The following ABCA2 variants were observed in gnomAD, a reference collection of about 807,000 sequenced individuals.
The protein encoded by ABCA2 is ATP binding cassette subfamily A member 2.
ABCA2 carries 84 observed loss-of-function variants against 262.8 expected under a neutral mutation model. The observed-to-expected ratio is 0.32, with a 90% CI of 0.27 to 0.38. The LOEUF is 0.38. ABCA2 is among the 10% of genes least tolerant of loss of function. The pLI is 1.00. For missense variants in ABCA2, 2,662 were observed against 3,405.9 expected (o/e 0.78, Z 5.44); for synonymous variants, 1,696 against 1,502.9 (o/e 1.13, Z -2.97).
At position 137,023,028 on chromosome 9, in the gene ABCA2, G is replaced by A. The variant is rs1831531774; in HGVS notation, c.188C>T (p.Thr63Met). 1.3e-6 allele frequency: 2 copies of A among 1,591,140 alleles called. No homozygotes were observed. The highest frequency in any genetic ancestry group is 1.8e-5 in the Admixed American group (1 of 56,764). Reference sequence around the variant, plus strand: ...CATGACAGGCAGGATGCCGGCAGACGTCAGGGGCGCCGCTGTGTAGAAGGC... The same window carrying A: ...CATGACAGGCAGGATGCCGGCAGACATCAGGGGCGCCGCTGTGTAGAAGGC... ...EVSFYTAAPL[T>M]SAGILPVMQS... Residue 63 changes from threonine (T) to methionine (M), a missense_variant, in exon 4 of 49, where the codon ACG (threonine) becomes ATG (methionine). Around this residue, in one of 12 missense-constraint regions of ABCA2, gnomAD observed 101 missense variants for 152.3 expected, o/e 0.66. Transcript: ENST00000341511.
At chr9:137,012,691 C>T (rs758701804) in intron 31 of ABCA2, 21 bp downstream of exon 31, 1 of 1,611,694 alleles carries the variant, frequency 6.2e-7, no homozygotes, top group South Asian at 1.1e-5. Flanking sequence ...CCCTCACCCA[C>T]AGCCTCCCCA....
chr9:137,009,480 G>T lies in ABCA2; in HGVS notation c.6735-18C>A. On this transcript the variant is annotated intron_variant, in intron 44 of 48. Coordinates refer to ENST00000341511, the MANE Select transcript of ABCA2 (RefSeq NM_001606.5). Reference sequence around the variant, plus strand: ...CCTCCATGCTGTGGGACATGCACAGGCTGGCACCGGAAGGGGTGCTGTGGG... The same window carrying T: ...CCTCCATGCTGTGGGACATGCACAGTCTGGCACCGGAAGGGGTGCTGTGGG... 6.2e-7 allele frequency: 1 copy of T among 1,611,614 alleles called. No individual in the cohort carries two copies. Among genetic ancestry groups the T allele is most frequent in the Non-Finnish European group, 8.5e-7 (1 of 1,179,618 alleles).
intron 3 of ABCA2, chr9:137,023,282 A>C (rs1032357485): frequency 4.5e-4 from 287 of 640,032 alleles, no homozygotes; most frequent in Non-Finnish European, 6.9e-4. Flanking sequence ...GCCACTCACC[A>C]CCCCTTCTGC....
chr9:137,028,628 G>A (rs1040596708), upstream of ABCA2: 5 of 1,100,070 alleles, frequency 4.5e-6, no homozygotes, highest in African/African-American at 1.7e-5. The surrounding 1 kb of genome is among the most constrained non-coding windows in gnomAD (Gnocchi z 6.9). Flanking sequence ...GGGGCGCGCC[G>A]AGCGGACGCT....
chr9:137,022,136 A>C (rs1169966901), intron 6 of ABCA2, 135 bp from the exon 7 acceptor site: 19 of 245,536 alleles, frequency 7.7e-5, no homozygotes, highest in Admixed American at 5.1e-4. Flanking sequence ...GGCGTGGCTC[A>C]GATGGTGGGG....
At chr9:137,009,136 CA>C (rs1314733262) in intron 45 of ABCA2, 83 bp from the exon 46 acceptor site, 116 of 1,396,030 alleles carry the variant, frequency 8.3e-5, no homozygotes, top group Middle Eastern at 2.1e-4. Context: ...CTACAGCCCC[CA>C]CAGGCACCCC....
In ABCA2 at chr9:137,022,959, A is replaced by G; in HGVS notation, c.257T>C (p.Leu86Pro). Residue 86 changes from leucine to proline, a missense_variant, in exon 4 of 49, where the codon CTG (leucine) becomes CCG (proline). Transcript: ENST00000341511. The stretch of plus-strand genomic sequence containing the variant: ...CACTCACGTGGAGTTGGCGTACTGC[A>G]GGAAGCCGAACTCGTCTCGCTGGCC... ...PDGQRDEFGF[L>P]QYANSTVTQL... 1 of 1,582,826 alleles carries G rather than the reference A, an allele frequency of 6.3e-7. No individual in the cohort carries two copies. The highest frequency in any genetic ancestry group is 1.3e-5 in the African/African-American group (1 of 74,496).
Position 137,023,720 on chromosome 9 carries a change from G to A in ABCA2, c.163+118C>T, listed in dbSNP as rs372307547. 6.2e-5 allele frequency: 44 copies of A among 705,890 alleles called. 1 individual carries two copies. Among genetic ancestry groups the A allele is most frequent in the Admixed American group, 3.8e-4 (19 of 49,432 alleles). 43.7% of individuals were successfully genotyped at this position (705,890 alleles called of 1,614,324 possible). On this transcript the variant is annotated intron_variant, in intron 3 of 48. Transcript: ENST00000341511. ...TCTGGAGCCAGCTGTTCCTGAGGCC[G>A]GCAGGGGGCCCGGGAGGGCTGTTAA...
chr9:137,023,893 CAG>C (rs980356754), intron 2 of ABCA2, 53 bp from the exon 3 acceptor site: 41 of 1,035,444 alleles, frequency 4.0e-5, no homozygotes, highest in South Asian at 3.3e-4. Flanking sequence ...GGGATCAAAA[CAG>C]AACAGAGGAG....
chr9:137,014,984 T>C lies in ABCA2; in HGVS notation c.3811A>G (p.Thr1271Ala). The change falls in exon 25 of 49, where the codon ACA (threonine) becomes GCA (alanine). Residue 1271 changes from threonine to alanine, a missense_variant. Transcript: ENST00000341511. ...HVASCLLVSD[T>A]STELSYILPS... ...AGGATGTAGGAGAGCTCCGTGCTTG[T>C]GTCTGAGACCAGCAGGCAGGAGGCC... is the stretch of plus-strand genomic sequence containing the variant. 1.3e-6 allele frequency: 2 copies of C among 1,586,652 alleles called. No individual in the cohort carries two copies. Among genetic ancestry groups the C allele is most frequent in the Non-Finnish European group, 8.6e-7 (1 of 1,166,380 alleles).
chr9:137,018,683 G>T, intron 13 of ABCA2, 36 bp downstream of exon 13: 3 of 1,543,764 alleles, frequency 1.9e-6, no homozygotes, highest in Non-Finnish European at 2.6e-6. Context: ...GAAGAGGTCT[G>T]TGGGGGGCTG....
chr9:137,023,235 C>G (rs901721577), intron 3 of ABCA2, 183 bp from the exon 4 acceptor site: 1 of 633,152 alleles, frequency 1.6e-6, no homozygotes, highest in African/African-American at 1.8e-5. Flanking sequence ...GCCAAGCGTT[C>G]TGGGGCGAAT....
Position 137,008,421 on chromosome 9 carries a change from C to G in ABCA2, c.7270G>C (p.Glu2424Gln). 6.4e-7 allele frequency: 1 copy of G among 1,550,468 alleles called. No individual in the cohort carries two copies. The highest frequency in any genetic ancestry group is 8.7e-7 in the Non-Finnish European group (1 of 1,147,342). ...EDEGLISFEE[E>Q]RAQLSFNTDT... ...CATGAGAGCAGCCTGCTCACCCGCT[C>G]CTCCTCGAAGCTGATGAGGCCCTCG... The change falls in exon 48 of 49, where the codon GAG (glutamate) becomes CAG (glutamine). Residue 2424 changes from glutamate (E) to glutamine (Q), a missense_variant. Around this residue, in one of 12 missense-constraint regions of ABCA2, gnomAD observed 212 missense variants for 214.4 expected, o/e 0.99. Transcript: ENST00000341511.
rs1466835042 is a variant in ABCA2 at position 137,018,824 on chromosome 9, AG to A, written c.1723-10del. 4 of 1,612,070 alleles carry A rather than the reference AG, an allele frequency of 2.5e-6. No individual in the cohort carries two copies. Among genetic ancestry groups the A allele is most frequent in the African/African-American group, 1.3e-5 (1 of 74,700 alleles). On this transcript the variant is annotated splice_polypyrimidine_tract_variant and intron_variant, in intron 12 of 48. Coordinates refer to ENST00000341511, the MANE Select transcript of ABCA2 (RefSeq NM_001606.5). ...AAGATGTCCACGCTCACCTAGCGGG[AG>A]GGGCATCGCTGGAGCCCGCCGTGGG...
chr9:137,016,496 G>C, intron 20 of ABCA2, 25 bp from the exon 21 acceptor site: 2 of 1,612,578 alleles, frequency 1.2e-6, no homozygotes, highest in Non-Finnish European at 1.7e-6. Context: ...TGGATCAGCA[G>C]GGTGGGGGCG....
chr9:137,008,392 C>T (rs2131423350), intron 48 of ABCA2, 24 bp downstream of exon 48: 1 of 1,548,742 alleles, frequency 6.5e-7, no homozygotes, highest in East Asian at 2.4e-5. Context: ...GAGCCCTGGA[C>T]AGCCATGAGA....
Position 137,021,397 on chromosome 9 carries a change from G to A in ABCA2, c.892C>T (p.Gln298Ter), listed in dbSNP as rs1411805360. ...GTGGGCAGGCAGGGCCTCACCTGCT[G>A]GGAGACCTTGGCCACGTCCAGCTGG... ...RNQLDVAKVS[Q>*]QLGLDAPNGS... Residue 298 changes from glutamine (Q) to a stop codon, truncating the protein, a stop_gained, in exon 8 of 49, where the codon CAG (glutamine) becomes TAG (stop). Transcript: ENST00000341511. LOFTEE classifies it high-confidence loss of function. The surrounding 1 kb of genome is among the most constrained non-coding windows in gnomAD (Gnocchi z 6.0). 1 of 1,606,738 alleles carries A rather than the reference G, an allele frequency of 6.2e-7. No homozygotes were observed. The highest frequency in any genetic ancestry group is 8.5e-7 in the Non-Finnish European group (1 of 1,179,716).
At chr9:137,023,560 G>A (rs1056639880) in intron 3 of ABCA2, 46 of 744,624 alleles carry the variant, frequency 6.2e-5, no homozygotes, top group Middle Eastern at 2.3e-4. Flanking sequence ...CCCAGAAGCC[G>A]AGGCACCCCA....
Position 137,019,008 on chromosome 9 carries a change from C to T in ABCA2, c.1617G>A (p.Pro539=), listed in dbSNP as rs537306179. The change falls in exon 12 of 49, where the codon CCG becomes CCA. Residue 539 remains proline, a synonymous_variant. Transcript: ENST00000341511. The surrounding 1 kb of genome is among the most constrained non-coding windows in gnomAD (Gnocchi z 4.4). ...GCGAGAAGTTGTCCTGTCTCAGGGC[C>T]GGCGGCAGCTCATCCAGTGACAGGT... ...ALNLSLDELP[P]ALRQDNFSLP... is the part of the protein sequence containing the mutation. 112 of 1,612,752 alleles carry T rather than the reference C, an allele frequency of 6.9e-5. No individual in the cohort carries two copies. Among genetic ancestry groups the T allele is most frequent in the African/African-American group, 9.3e-5 (7 of 74,898 alleles).
Sources: gnomAD v4.1 joint callset for allele counts on GRCh38, gnomAD v4.1.1 for gene constraint, gnomAD v4.1.1 regional missense constraint, Gnocchi (gnomAD v3.1) non-coding constraint, MANE v1.5 for transcripts, NCBI Gene and HGNC (gene_info 2026-07-23, HGNC 2026-07-21) for gene names.